CHRDL1: variants seen among roughly 807,000 people sequenced by gnomAD.
The protein encoded by CHRDL1 is chordin like 1.
In CHRDL1, 19 loss-of-function variants were observed where a neutral mutation model predicts 40.9. The ratio of observed to expected loss-of-function variants is 0.46; its 90% confidence interval spans 0.32 to 0.68. CHRDL1 has a LOEUF of 0.68. Ranked by LOEUF, CHRDL1 falls within the 30% of genes least tolerant of loss-of-function variation. The pLI is 0.03. For synonymous variants in CHRDL1, 136 were observed against 123.4 expected, an observed-to-expected ratio of 1.10 and a Z score of -0.68; for missense variants, 329 against 352.1, an observed-to-expected ratio of 0.93 and a Z score of 0.53.
At chrX:110,751,085 T>C (rs1288120935) in intron 4 of CHRDL1, among the ~76,000 whole-genome samples, 1 of 111,457 alleles carries the variant, frequency 9.0e-6, no homozygotes, top group East Asian at 2.8e-4. Flanking sequence ...CAGAATTAAC[T>C]GGGATGCTTG....
At chrX:110,757,195 T>A (rs1216766848) in intron 4 of CHRDL1, among the ~76,000 whole-genome samples, 2 of 109,221 alleles carry the variant, frequency 1.8e-5, no homozygotes, top group African/African-American at 6.7e-5. Flanking sequence ...AAAGACAATT[T>A]TGAGAATGAG....
intron 2 of CHRDL1, among the ~76,000 whole-genome samples, chrX:110,785,666 A>T (rs2090006625): frequency 8.9e-6 from 1 of 111,923 alleles, no homozygotes; most frequent in Non-Finnish European, 1.9e-5. Flanking sequence ...AAAGACTACA[A>T]GTATATATAT....
At chrX:110,787,928 A>T (rs2090042128) in intron 2 of CHRDL1, among the ~76,000 whole-genome samples, 1 of 112,694 alleles carries the variant, frequency 8.9e-6, no homozygotes, top group South Asian at 3.7e-4. Context: ...CCTCACTTTG[A>T]TCAATAGTTC....
intron 1 of CHRDL1, among the ~76,000 whole-genome samples, chrX:110,793,100 C>T (rs2090127433): frequency 8.9e-6 from 1 of 112,181 alleles, no homozygotes; most frequent in African/African-American, 3.2e-5. Context: ...TGCAAAATTC[C>T]TCCAATGGGT....
chrX:110,763,378 T>C (rs1230192359), intron 2 of CHRDL1, among the ~76,000 whole-genome samples: 2 of 109,751 alleles, frequency 1.8e-5, no homozygotes, highest in Admixed American at 9.8e-5. Flanking sequence ...CATACGATGT[T>C]CGGTTTCCAT....
At chrX:110,782,148 A>C (rs1390740695) in intron 2 of CHRDL1, among the ~76,000 whole-genome samples, 1 of 112,186 alleles carries the variant, frequency 8.9e-6, no homozygotes, top group East Asian at 2.8e-4. Context: ...GAGAACGGTG[A>C]TAACAATAAC....
At chrX:110,689,042 A>T (rs980189727) in intron 8 of CHRDL1, among the ~76,000 whole-genome samples, 3 of 94,877 alleles carry the variant, frequency 3.2e-5, no homozygotes, top group Admixed American at 1.3e-4. Flanking sequence ...ATGGCCTCAG[A>T]CATAGTAGGC....
chrX:110,765,654 T>A (rs972505041), intron 2 of CHRDL1, among the ~76,000 whole-genome samples: 3 of 111,890 alleles, frequency 2.7e-5, no homozygotes, highest in Non-Finnish European at 5.6e-5. Flanking sequence ...CATTGGTCTA[T>A]ATGCCTATTT....
intron 11 of CHRDL1, among the ~76,000 whole-genome samples, chrX:110,678,077 C>G (rs1434711298): frequency 9.0e-6 from 1 of 110,940 alleles, no homozygotes; most frequent in African/African-American, 3.3e-5. Context: ...CTCCACACAG[C>G]GAGGACCTCT....
At chrX:110,772,225 T>C (rs2089772441) in intron 2 of CHRDL1, among the ~76,000 whole-genome samples, 1 of 112,709 alleles carries the variant, frequency 8.9e-6, no homozygotes, top group African/African-American at 3.2e-5. Flanking sequence ...CTAAATCGAA[T>C]TACCAGCATG....
intron 4 of CHRDL1, among the ~76,000 whole-genome samples, chrX:110,755,312 C>G (rs1368771511): frequency 2.7e-5 from 3 of 111,752 alleles, no homozygotes; most frequent in Non-Finnish European, 5.6e-5. Flanking sequence ...TTTATTTGCT[C>G]TTTGTGGGAA....
intron 2 of CHRDL1, 33 bp from the exon 3 acceptor site, chrX:110,762,840 A>G: frequency 1.3e-6 from 1 of 797,315 alleles, no homozygotes; most frequent in Admixed American, 2.3e-5. Flanking sequence ...TATGCCTGTT[A>G]GGAAACATCA....
intron 2 of CHRDL1, among the ~76,000 whole-genome samples, chrX:110,769,617 T>C (rs141474661): frequency 0.012 from 1,294 of 112,051 alleles, 6 homozygotes; most frequent in Non-Finnish European, 0.016. Context: ...GGACTTATAG[T>C]TCTATGTGGC....
chrX:110,741,980 A>C (rs950050368), intron 4 of CHRDL1, among the ~76,000 whole-genome samples: 1 of 112,197 alleles, frequency 8.9e-6, no homozygotes, highest in African/African-American at 3.2e-5. Flanking sequence ...CTGTGTTACC[A>C]TAGGTTGGCT....
At chrX:110,709,316 C>A (rs1297190178) in intron 6 of CHRDL1, among the ~76,000 whole-genome samples, 2 of 111,963 alleles carry the variant, frequency 1.8e-5, no homozygotes, top group East Asian at 2.8e-4. Flanking sequence ...GGGGGAATAC[C>A]CGGCTTAAGG....
At chrX:110,786,012 A>C (rs1388136098) in intron 2 of CHRDL1, among the ~76,000 whole-genome samples, 1 of 112,366 alleles carries the variant, frequency 8.9e-6, no homozygotes, top group African/African-American at 3.2e-5. Flanking sequence ...AGCATCAGTA[A>C]AGAAATGCCA....
At chrX:110,757,530 C>A (rs1206716603) in intron 4 of CHRDL1, among the ~76,000 whole-genome samples, 2 of 111,251 alleles carry the variant, frequency 1.8e-5, no homozygotes, top group Non-Finnish European at 3.8e-5. Context: ...TCATACCCAG[C>A]CAAATTATCA....
At position 110,711,736 on chromosome X, in the gene CHRDL1, C is replaced by A. The variant is rs140867649; in HGVS notation, c.541+8099G>T. 3.3e-3 allele frequency among the ~76,000 whole-genome samples: 371 copies of A among 111,669 alleles called. 3 individuals are homozygous for A. Among genetic ancestry groups the A allele is most frequent in the African/African-American group, 0.011 (353 of 30,748 alleles). On this transcript the variant is annotated intron_variant, in intron 6 of 11. Coordinates refer to ENST00000372042, the MANE Select transcript of CHRDL1 (RefSeq NM_001143981.2). ...CTCACATACCACTTCCCTGAAGATC[C>A]CGGATTCTAGCTGAGATGGGATCTG...
At chrX:110,736,341 C>A (rs2071262643) in intron 4 of CHRDL1, among the ~76,000 whole-genome samples, 2 of 111,984 alleles carry the variant, frequency 1.8e-5, no homozygotes, top group South Asian at 7.5e-4. Context: ...AGAACTCCAC[C>A]ATTGATTGCC....
Sources: gnomAD v4.1 joint callset for allele counts (sites outside exome capture counted in the v4.1 genomes callset) on GRCh38, gnomAD v4.1.1 for gene constraint, MANE v1.5 for transcripts, NCBI Gene and HGNC (gene_info 2026-07-23, HGNC 2026-07-21) for gene names.